Variants in PHTF1 observed in about 807,000 individuals in gnomAD.
The protein encoded by PHTF1 is putative homeodomain transcription factor 1.
A neutral mutation model predicts 102.4 loss-of-function variants in PHTF1; 88 were observed. The ratio of observed to expected loss-of-function variants is 0.86; its 90% CI spans 0.72 to 1.03. The LOEUF (loss-of-function observed/expected upper bound fraction) is 1.03, where lower values mean the gene tolerates loss of function less well. PHTF1 is among the 50% of genes least tolerant of loss of function. The pLI is 0.00. For missense variants in PHTF1, 814 were observed against 909.5 expected (o/e 0.89, Z 1.35); for synonymous variants, 289 against 305.2 (o/e 0.95, Z 0.55).
intron 7 of PHTF1, among the ~76,000 whole-genome samples, chr1:113,722,536 C>G (rs1653127897): frequency 6.6e-6 from 1 of 152,018 alleles, no homozygotes; most frequent in African/African-American, 2.4e-5. Flanking sequence ...CCATATTAAC[C>G]AAAGCAATCT....
chr1:113,757,566 T>C (rs1405921713), intron 3 of PHTF1, 133 bp downstream of exon 3: 1 of 659,550 alleles, frequency 1.5e-6, no homozygotes, highest in Non-Finnish European at 2.7e-6. Context: ...ATGCTTGCAC[T>C]GCTTTTCTTA....
intron 7 of PHTF1, among the ~76,000 whole-genome samples, chr1:113,721,985 C>A (rs999799082): frequency 6.6e-6 from 1 of 151,590 alleles, no homozygotes; most frequent in Non-Finnish European, 1.5e-5. Context: ...TGAGCCACTG[C>A]GCCCAGCCAA....
chr1:113,714,978 C>G (rs1244291746), intron 7 of PHTF1: 5 of 152,320 alleles, frequency 3.3e-5, no homozygotes, highest in Non-Finnish European at 5.9e-5. Flanking sequence ...GAACAAGAGT[C>G]TCTCCCTGGT....
chr1:113,699,502 C>CT lies in PHTF1; in HGVS notation c.2142+201dup. 9.2e-6 allele frequency: 6 copies of CT among 650,732 alleles called. No individual in the cohort carries two copies. In the South Asian group the frequency reaches 9.7e-5, roughly 11 times the overall value. 40.3% of individuals were successfully genotyped at this position (650,732 alleles called of 1,614,324 possible). On this transcript the variant is annotated intron_variant, in intron 17 of 18. Transcript: ENST00000369604. ...TGGTGATGGGGAGCCACTCTTTGTCCTTAATCTTGCCTCCAGGAGCTCTGT... is the reference window on the plus strand; with the variant it reads ...TGGTGATGGGGAGCCACTCTTTGTCCTTTAATCTTGCCTCCAGGAGCTCTGT...
chr1:113,713,557 A>G (rs1651507166), intron 7 of PHTF1, 119 bp from the exon 8 acceptor site: 3 of 636,822 alleles, frequency 4.7e-6, no homozygotes, highest in African/African-American at 1.8e-5. Flanking sequence ...CAGGAATCAT[A>G]TTTTTCAGGA....
intron 10 of PHTF1, 76 bp downstream of exon 10, chr1:113,711,670 G>A (rs142344288): frequency 1.4e-5 from 16 of 1,105,748 alleles, no homozygotes; most frequent in East Asian, 2.4e-5. Context: ...CTACTTTAGG[G>A]CAACCAATAA....
In PHTF1 at chr1:113,710,241, T is replaced by C. The variant is rs1000439530; in HGVS notation, c.1269+13A>G. 5.7e-6 allele frequency: 9 copies of C among 1,590,208 alleles called. No individual in the cohort carries two copies. The highest frequency in any genetic ancestry group is 1.3e-5 in the African/African-American group (1 of 74,456). ...CAATAAATACTAGCTATTCTTATCA[T>C]GTCTGCACAGACCTGCTGAAAAACA... On this transcript the variant is annotated intron_variant, in intron 11 of 18. Transcript: ENST00000369604.
At chr1:113,734,700 C>T (rs1655210168) in intron 5 of PHTF1, among the ~76,000 whole-genome samples, 1 of 152,184 alleles carries the variant, frequency 6.6e-6, no homozygotes. Flanking sequence ...AGTTCTTAGC[C>T]TATCCACATT....
chr1:113,750,687 C>A (rs1657933319), intron 3 of PHTF1, among the ~76,000 whole-genome samples: 1 of 151,138 alleles, frequency 6.6e-6, no homozygotes, highest in South Asian at 2.1e-4. Flanking sequence ...GAAACCCCAC[C>A]TCTACCAAAA....
In PHTF1 at chr1:113,713,239, T is replaced by TG. The variant is rs755247723; in HGVS notation, c.783+39dup. 3.8e-6 allele frequency: 6 copies of TG among 1,561,642 alleles called. No homozygotes were observed. The South Asian group carries it at 6.8e-5, about 18-fold the overall frequency. ...AGAATCTTAATAGGAAAATGTTACA[T>TG]GGGGAAAAAAACCCCTTGTTAAATC... is the stretch of plus-strand genomic sequence containing the variant. On this transcript the variant is annotated intron_variant, in intron 8 of 18. Coordinates refer to ENST00000369604, the MANE Select transcript of PHTF1 (RefSeq NM_001323043.2).
chr1:113,718,699 C>T (rs895795727), intron 7 of PHTF1, among the ~76,000 whole-genome samples: 9 of 152,246 alleles, frequency 5.9e-5, no homozygotes, highest in Admixed American at 2.0e-4. Context: ...GGAGCGTCCA[C>T]CCTCTGAAGC....
chr1:113,735,501 G>A (rs965798100), intron 5 of PHTF1, among the ~76,000 whole-genome samples: 2 of 151,182 alleles, frequency 1.3e-5, no homozygotes, highest in Non-Finnish European at 1.5e-5. Context: ...TTAAATGATG[G>A]TATGCCCATA....
At chr1:113,704,840 T>C in intron 13 of PHTF1, 43 bp from the exon 14 acceptor site, 1 of 1,317,996 alleles carries the variant, frequency 7.6e-7, no homozygotes, top group Non-Finnish European at 1.1e-6. Flanking sequence ...TGTATGTATG[T>C]GTCTGTGTAT....
chr1:113,757,079 A>G (rs989852955), intron 3 of PHTF1, among the ~76,000 whole-genome samples: 12 of 152,126 alleles, frequency 7.9e-5, no homozygotes, highest in Non-Finnish European at 1.5e-4. Context: ...AGGCAGGAAA[A>G]TGGCGTGAAC....
Position 113,726,398 on chromosome 1 carries a change from A to G in PHTF1, c.488+20T>C, listed in dbSNP as rs764597364. On this transcript the variant is annotated intron_variant, in intron 6 of 18. Coordinates refer to ENST00000369604, the MANE Select transcript of PHTF1 (RefSeq NM_001323043.2). ...ACTCTCCCAGAAAATATACAACTAC[A>G]GTGTAATTTCTCATCTTACCTTCTT... 2 of 1,535,454 alleles carry G rather than the reference A, an allele frequency of 1.3e-6. No individual in the cohort carries two copies. The highest frequency in any genetic ancestry group is 1.4e-5 in the African/African-American group (1 of 72,980).
rs748259427 is a variant in PHTF1 at position 113,757,803 on chromosome 1, T to C, written c.46-48A>G. The C allele has an allele frequency of 8.4e-6, 10 of 1,194,454 alleles. No homozygotes were observed. The South Asian group carries it at 1.1e-4, about 13-fold the overall frequency. The allele number at this position is 1,194,454 out of a possible 1,614,324, so 74.0% of individuals were successfully genotyped here. ...AGTTAAACGATGCAAAGGAAATCCT[T>C]ACATTATTAAGTCAAGCCTCATAAA... On this transcript the variant is annotated intron_variant, in intron 2 of 18. Coordinates refer to ENST00000369604, the MANE Select transcript of PHTF1 (RefSeq NM_001323043.2).
At chr1:113,707,962 C>A (rs77519654) in intron 11 of PHTF1, among the ~76,000 whole-genome samples, 3 of 151,910 alleles carry the variant, frequency 2.0e-5, no homozygotes, top group African/African-American at 4.8e-5. Context: ...CATAAGGGCC[C>A]AGAGGCACAT....
chr1:113,747,309 CTCA>C (rs2101666343), intron 3 of PHTF1, among the ~76,000 whole-genome samples: 1 of 152,194 alleles, frequency 6.6e-6, no homozygotes, highest in East Asian at 1.9e-4. Flanking sequence ...CTGTAATTGC[CTCA>C]TTTTTTAATG....
chr1:113,713,810 G>C lies in PHTF1; in HGVS notation c.624-372C>G, dbSNP rs149461166. The C allele has an allele frequency of 4.9e-3, 858 of 173,588 alleles. 9 individuals are homozygous for C. The highest frequency in any genetic ancestry group is 0.02 in the African/African-American group (819 of 41,766). The allele number at this position is 173,588 out of a possible 1,614,324, so 10.8% of individuals were successfully genotyped here. A position where few individuals can be genotyped will look rare whatever the true frequency, so the allele number is the denominator to read the frequency against. ...GACTTAGGTGCACATGACCTATTGA[G>C]ACACCAGCTGGGTGGCCAGGGAGTG... On this transcript the variant is annotated intron_variant, in intron 7 of 18. Coordinates refer to ENST00000369604, the MANE Select transcript of PHTF1 (RefSeq NM_001323043.2).
Sources: gnomAD v4.1 joint callset for allele counts (sites outside exome capture counted in the v4.1 genomes callset) on GRCh38, gnomAD v4.1.1 for gene constraint, MANE v1.5 for transcripts, NCBI Gene and HGNC (gene_info 2026-07-23, HGNC 2026-07-21) for gene names.